TPTE2: variants seen among roughly 807,000 people sequenced by gnomAD.
TPTE2 encodes transmembrane phosphoinositide 3-phosphatase and tensin homolog 2.
In TPTE2, 53 loss-of-function variants were observed where a neutral mutation model predicts 78.6. That is an observed-to-expected ratio of 0.67 (90% CI 0.54 to 0.85). TPTE2 has a LOEUF of 0.85. Ranked by LOEUF, TPTE2 falls within the 40% of genes least tolerant of loss-of-function variation. The pLI is 0.00. For missense variants in TPTE2, 461 were observed against 623.0 expected, an observed-to-expected ratio of 0.74 and a Z score of 2.77; for synonymous variants, 175 against 206.2, an observed-to-expected ratio of 0.85 and a Z score of 1.30.
chr13:19,470,514 C>T (rs965743674), intron 6 of TPTE2, among the ~76,000 whole-genome samples: 28 of 151,816 alleles, frequency 1.8e-4, no homozygotes, highest in African/African-American at 6.5e-4. Context: ...TGGGTTTTTT[C>T]ATTTGTTTAT....
intron 13 of TPTE2, chr13:19,438,449 T>A: frequency 1.0e-6 from 1 of 984,748 alleles, no homozygotes; most frequent in Non-Finnish European, 1.2e-6. Flanking sequence ...TCTTTTATAA[T>A]TTTTTTGGAT....
At chr13:19,531,799 C>A (rs772643666) in intron 1 of TPTE2, among the ~76,000 whole-genome samples, 3 of 152,054 alleles carry the variant, frequency 2.0e-5, no homozygotes, top group African/African-American at 7.2e-5. Context: ...TGGTGGCACA[C>A]ACCTGTAATC....
chr13:19,484,583 T>C (rs1880544194), intron 3 of TPTE2, among the ~76,000 whole-genome samples: 1 of 152,210 alleles, frequency 6.6e-6, no homozygotes, highest in Non-Finnish European at 1.5e-5. Flanking sequence ...CCAACTCTTA[T>C]TGTAATGGGG....
At chr13:19,461,161 C>G (rs1231880484) in intron 10 of TPTE2, among the ~76,000 whole-genome samples, 1 of 152,092 alleles carries the variant, frequency 6.6e-6, no homozygotes, top group African/African-American at 2.4e-5. Context: ...GGACTCTTGC[C>G]TCTGCCGTCA....
chr13:19,527,583 T>C (rs114162265), intron 1 of TPTE2, among the ~76,000 whole-genome samples: 3,859 of 151,972 alleles, frequency 0.025, 125 homozygotes, highest in African/African-American at 0.075. Context: ...GCATAAAAGA[T>C]CACAAATTGG....
At chr13:19,541,186 T>G (rs1871427609), upstream of TPTE2, among the ~76,000 whole-genome samples, 1 of 152,226 alleles carries the variant, frequency 6.6e-6, no homozygotes, top group Non-Finnish European at 1.5e-5. Flanking sequence ...GCCAGGTGGC[T>G]CATTCACAGG....
At chr13:19,446,346 A>G (rs1446829510) in intron 13 of TPTE2, among the ~76,000 whole-genome samples, 1 of 152,220 alleles carries the variant, frequency 6.6e-6, no homozygotes, top group African/African-American at 2.4e-5. Flanking sequence ...AGAACTTAGG[A>G]ACAGTCTTGA....
intron 3 of TPTE2, among the ~76,000 whole-genome samples, chr13:19,484,169 C>A (rs934414622): frequency 6.6e-6 from 1 of 152,158 alleles, no homozygotes; most frequent in East Asian, 1.9e-4. Context: ...TTTCTAGTTA[C>A]ATTTGTTTCA....
intron 1 of TPTE2, among the ~76,000 whole-genome samples, chr13:19,521,433 C>T (rs1425073533): frequency 6.6e-6 from 1 of 150,862 alleles, no homozygotes; most frequent in African/African-American, 2.4e-5. Flanking sequence ...CTTGTTATAT[C>T]TTTTTCTATA....
chr13:19,478,439 T>C (rs1209105137), intron 4 of TPTE2, among the ~76,000 whole-genome samples: 1 of 152,176 alleles, frequency 6.6e-6, no homozygotes, highest in Non-Finnish European at 1.5e-5. Context: ...ATCAGAGAAA[T>C]GCAAATCAAA....
In TPTE2 at chr13:19,486,768, G is replaced by A. The variant is rs1295771089; in HGVS notation, c.120-4221C>T. Among the ~76,000 whole-genome samples the A allele has an allele frequency of 6.6e-6, 1 of 152,186 alleles. No individual in the cohort carries two copies. The highest frequency in any genetic ancestry group is 1.9e-4 in the East Asian group (1 of 5,186). On this transcript the variant is annotated intron_variant, in intron 3 of 19. Coordinates refer to ENST00000400230, the Ensembl canonical transcript of TPTE2. This position sits in a 1 kb window ranked among gnomAD's most constrained non-coding sequence, Gnocchi z 4.3. Reference sequence around the variant, plus strand: ...AAGAGGGGGTGTTTCTCAGGCCTGGGATACAGTCAAATGACTTCTCAGCTG... The same window carrying A: ...AAGAGGGGGTGTTTCTCAGGCCTGGAATACAGTCAAATGACTTCTCAGCTG...
chr13:19,443,779 C>CACACAG (rs34742234), intron 13 of TPTE2, among the ~76,000 whole-genome samples: 5,916 of 146,304 alleles, frequency 0.04, 231 homozygotes, highest in African/African-American at 0.066. Flanking sequence ...CACACACACA[C>CACACAG]AGTCGTTAAG....
chr13:19,479,914 GTGGTGTCACTGCACTCCAGCC>G (rs1566058421), intron 4 of TPTE2, among the ~76,000 whole-genome samples: 1 of 151,296 alleles, frequency 6.6e-6, no homozygotes, highest in East Asian at 1.9e-4. Context: ...AGTGAGCTGA[GTGGTGTCACTGCACTCCAGCC>G]TGGTGACAGA....
intron 6 of TPTE2, among the ~76,000 whole-genome samples, chr13:19,473,272 G>A (rs1262324544): frequency 1.3e-5 from 2 of 152,200 alleles, no homozygotes; most frequent in Admixed American, 1.3e-4. Flanking sequence ...AAAACAGCCA[G>A]GCCTGTGTCC....
rs143788739 is a variant in TPTE2, at chr13:19,426,780, T to C, written c.1303-263A>G. Reference sequence around the variant, plus strand: ...AGTGCAGTGGCGTGATCTCGGCTCATGGCAACCTCTGCCTCCCAGGTTCAA... The same window carrying C: ...AGTGCAGTGGCGTGATCTCGGCTCACGGCAACCTCTGCCTCCCAGGTTCAA... On this transcript the variant is annotated intron_variant, in intron 17 of 19. Transcript: ENST00000400230. Among the ~76,000 whole-genome samples the C allele has an allele frequency of 2.0e-3, 306 of 151,626 alleles. 1 individual carries two copies. Among genetic ancestry groups the C allele is most frequent in the African/African-American group, 7.1e-3 (295 of 41,354 alleles).
the TPTE2 span, chr13:19,560,891 A>T: frequency 6.3e-7 from 1 of 1,578,550 alleles, no homozygotes; most frequent in Non-Finnish European, 8.6e-7. Flanking sequence ...CCGCTTGGTG[A>T]TCTCACACTC....
At chr13:19,550,502 A>C in the TPTE2 span, among the ~76,000 whole-genome samples, 1 of 152,342 alleles carries the variant, frequency 6.6e-6, no homozygotes, top group South Asian at 2.1e-4. Context: ...TATACAACGG[A>C]AAACAGTTAC....
intron 1 of TPTE2, 131 bp from the exon 5 acceptor site, chr13:19,493,632 G>T: frequency 1.2e-6 from 1 of 826,634 alleles, no homozygotes. Flanking sequence ...AGCACTATTG[G>T]AACCTGGAAT....
chr13:19,458,115 C>T (rs1022206775), intron 10 of TPTE2, among the ~76,000 whole-genome samples: 4 of 152,136 alleles, frequency 2.6e-5, no homozygotes, highest in East Asian at 3.8e-4. Context: ...TACTCACCAT[C>T]TTTGTGAAAA....
Sources: allele counts gnomAD v4.1 joint callset (sites outside exome capture counted in the v4.1 genomes callset), GRCh38; gene constraint gnomAD v4.1.1; non-coding constraint Gnocchi (gnomAD v3.1); transcripts MANE v1.5; gene names NCBI Gene and HGNC (gene_info 2026-07-23, HGNC 2026-07-21).